Variants in CRYBB1 observed in about 807,000 individuals in gnomAD.
CRYBB1 encodes the protein crystallin beta B1.
A neutral mutation model predicts 29.5 loss-of-function variants in CRYBB1; 16 were observed. The observed-to-expected ratio is 0.54, with a 90% CI of 0.37 to 0.82. The LOEUF is 0.82. Ranked by LOEUF, CRYBB1 falls within the 40% of genes least tolerant of loss-of-function variation. The pLI, the probability that CRYBB1 is intolerant of heterozygous loss-of-function variation, is 0.00. For synonymous variants in CRYBB1, 127 were observed against 136.7 expected (o/e 0.93, Z 0.49); for missense variants, 300 against 350.5 (o/e 0.86, Z 1.15).
chr22:26,612,287 A>C (rs1929199067), intron 2 of CRYBB1, 97 bp from the exon 3 acceptor site: 3 of 786,314 alleles, frequency 3.8e-6, no homozygotes, highest in Admixed American at 2.0e-5. Context: ...TGCAGGAGTC[A>C]CATAAAAGTG....
chr22:26,608,094 TTC>T, intron 3 of CRYBB1, 73 bp from the exon 4 acceptor site: 1 of 1,610,842 alleles, frequency 6.2e-7, no homozygotes, highest in Admixed American at 1.7e-5. Context: ...CTACTTGCCT[TTC>T]TCTCTCCCCT....
At chr22:26,611,507 G>A (rs1240770330) in intron 3 of CRYBB1, among the ~76,000 whole-genome samples, 2 of 144,752 alleles carry the variant, frequency 1.4e-5, no homozygotes, top group Non-Finnish European at 1.5e-5. Context: ...TCGCTCTGTC[G>A]CCCAGGCCGG....
chr22:26,605,320 G>T (rs1928941136), intron 4 of CRYBB1, among the ~76,000 whole-genome samples: 1 of 152,116 alleles, frequency 6.6e-6, no homozygotes, highest in African/African-American at 2.4e-5. Context: ...ATGAAGACAG[G>T]GACCTAGTCT....
intron 4 of CRYBB1, among the ~76,000 whole-genome samples, chr22:26,602,822 A>G (rs1928862081): frequency 6.6e-6 from 1 of 152,006 alleles, no homozygotes; most frequent in Non-Finnish European, 1.5e-5. Flanking sequence ...ACACAGATCT[A>G]GGTTCAAATC....
intron 4 of CRYBB1, among the ~76,000 whole-genome samples, chr22:26,605,044 C>T (rs1417779303): frequency 6.6e-6 from 1 of 152,140 alleles, no homozygotes; most frequent in Admixed American, 6.5e-5. Context: ...CATCGTTGCT[C>T]TAGGAGTTTT....
chr22:26,608,408 C>G (rs1929053802), intron 3 of CRYBB1, among the ~76,000 whole-genome samples: 1 of 146,950 alleles, frequency 6.8e-6, no homozygotes, highest in Non-Finnish European at 1.5e-5. Context: ...TTGACGCCAG[C>G]TAGGAGAAAG....
intron 4 of CRYBB1, among the ~76,000 whole-genome samples, chr22:26,603,125 C>CAAAA (rs779127242): frequency 8.7e-5 from 6 of 69,336 alleles, no homozygotes; most frequent in Non-Finnish European, 1.2e-4. Flanking sequence ...GACTCCGTCT[C>CAAAA]AAAAAAAAAA....
intron 5 of CRYBB1, among the ~76,000 whole-genome samples, chr22:26,601,300 G>A (rs757001192): frequency 2.0e-5 from 3 of 152,094 alleles, no homozygotes; most frequent in Non-Finnish European, 4.4e-5. Flanking sequence ...AAGGTCATGG[G>A]GCTCCGTTTT....
At chr22:26,605,630 G>A (rs1048917808) in intron 4 of CRYBB1, among the ~76,000 whole-genome samples, 2 of 129,606 alleles carry the variant, frequency 1.5e-5, no homozygotes, top group Admixed American at 9.8e-5. Flanking sequence ...GCCAGAACGT[G>A]CCACTACACT....
intron 3 of CRYBB1, among the ~76,000 whole-genome samples, chr22:26,608,484 A>G (rs992671433): frequency 6.6e-6 from 1 of 152,212 alleles, no homozygotes; most frequent in Non-Finnish European, 1.5e-5. Flanking sequence ...TGTAACAAAG[A>G]GAGAAAAGAC....
At chr22:26,607,769 C>T (rs896685349) in intron 4 of CRYBB1, 120 bp downstream of exon 4, 18 of 1,362,866 alleles carry the variant, frequency 1.3e-5, no homozygotes, top group South Asian at 4.7e-5. Context: ...TTTGACAACT[C>T]GGAGGCTGCC....
intron 3 of CRYBB1, among the ~76,000 whole-genome samples, chr22:26,608,873 G>A (rs935751116): frequency 4.6e-5 from 7 of 151,992 alleles, no homozygotes; most frequent in African/African-American, 1.5e-4. Context: ...ATGTGATAGC[G>A]CTTATGAAGA....
chr22:26,605,692 A>G (rs1471714378), intron 4 of CRYBB1, among the ~76,000 whole-genome samples: 16 of 148,804 alleles, frequency 1.1e-4, no homozygotes, highest in Non-Finnish European at 3.0e-5. Context: ...AAAAAAAAAA[A>G]GGAAAATAGA....
intron 4 of CRYBB1, among the ~76,000 whole-genome samples, chr22:26,603,030 C>T (rs547547123): frequency 3.4e-5 from 5 of 148,290 alleles, no homozygotes; most frequent in Admixed American, 2.1e-4. Flanking sequence ...GAGGCTGAGG[C>T]AGGAGAATGG....
intron 4 of CRYBB1, among the ~76,000 whole-genome samples, chr22:26,603,642 C>T (rs1359186893): frequency 6.6e-6 from 1 of 152,094 alleles, no homozygotes; most frequent in South Asian, 2.1e-4. Context: ...CGGTGGCTCA[C>T]GCCTGTAATC....
chr22:26,602,045 G>C (rs1237637144), intron 4 of CRYBB1, 24 bp from the exon 5 acceptor site: 2 of 1,612,352 alleles, frequency 1.2e-6, no homozygotes, highest in African/African-American at 2.7e-5. Context: ...GGCCGGGTCA[G>C]GTGTGTGAAG....
chr22:26,599,315 T>C lies in CRYBB1; in HGVS notation c.*175A>G, dbSNP rs1354130905. 5 of 621,208 alleles carry C rather than the reference T, an allele frequency of 8.0e-6. No individual in the cohort carries two copies. Among genetic ancestry groups the C allele is most frequent in the Middle Eastern group, 4.4e-4 (1 of 2,298 alleles). 38.5% of individuals were successfully genotyped at this position (621,208 alleles called of 1,614,324 possible). A position where few individuals can be genotyped will look rare whatever the true frequency, so the allele number is the denominator to read the frequency against. ...TTTGCTGCTTTTATTATCGTTGTAA[T>C]TATTAAGAGCGAGGAAGTCACATCC... On this transcript the variant is annotated 3_prime_UTR_variant, in exon 6 of 6. Transcript: ENST00000647684.
chr22:26,611,766 G>A (rs142124069), intron 3 of CRYBB1, among the ~76,000 whole-genome samples: 2 of 152,078 alleles, frequency 1.3e-5, no homozygotes, highest in African/African-American at 4.8e-5. Flanking sequence ...GAGCCACCGC[G>A]CCCGGCCGGG....
chr22:26,600,198 G>A (rs1174990935), intron 5 of CRYBB1, among the ~76,000 whole-genome samples: 1 of 152,100 alleles, frequency 6.6e-6, no homozygotes, highest in Non-Finnish European at 1.5e-5. Flanking sequence ...TCAGGAGATC[G>A]AGACCATCCT....
Sources: allele counts gnomAD v4.1 joint callset (sites outside exome capture counted in the v4.1 genomes callset), GRCh38; gene constraint gnomAD v4.1.1; transcripts MANE v1.5; gene names NCBI Gene and HGNC (gene_info 2026-07-23, HGNC 2026-07-21).